CTNND2: variants seen among roughly 807,000 people sequenced by gnomAD.
CTNND2 encodes the protein catenin delta 2, also known as catenin delta-2.
In CTNND2, 22 loss-of-function variants were observed where a neutral mutation model predicts 144.4. The observed-to-expected ratio is 0.15, with a 90% CI of 0.11 to 0.22. The LOEUF (loss-of-function observed/expected upper bound fraction) is 0.22. CTNND2 is among the 10% of genes least tolerant of loss of function. CTNND2 has a pLI of 1.00. For synonymous variants in CTNND2, 751 were observed against 695.6 expected, an observed-to-expected ratio of 1.08 and a Z score of -1.25; for missense variants, 1,353 against 1,618.8, an observed-to-expected ratio of 0.84 and a Z score of 2.82.
chr5:11,403,362 T>A (rs1760795719), intron 5 of CTNND2, among the ~76,000 whole-genome samples: 2 of 152,206 alleles, frequency 1.3e-5, no homozygotes, highest in South Asian at 4.1e-4. Flanking sequence ...TTCATCCATG[T>A]CCCTGCAAAG....
intron 2 of CTNND2, among the ~76,000 whole-genome samples, chr5:11,705,384 A>G (rs550487319): frequency 3.3e-5 from 5 of 152,366 alleles, no homozygotes; most frequent in African/African-American, 7.2e-5. Flanking sequence ...CTAATGTAAT[A>G]TAAGTGGAAA....
intron 3 of CTNND2, among the ~76,000 whole-genome samples, chr5:11,518,640 C>A (rs1347090955): frequency 6.6e-6 from 1 of 152,014 alleles, no homozygotes; most frequent in Non-Finnish European, 1.5e-5. Flanking sequence ...TTAAAAAAAT[C>A]TTTTATATTT....
At chr5:11,607,667 C>A (rs1780117376) in intron 2 of CTNND2, among the ~76,000 whole-genome samples, 1 of 152,130 alleles carries the variant, frequency 6.6e-6, no homozygotes, top group South Asian at 2.1e-4. Flanking sequence ...AGTTATGAAT[C>A]CACTTCTGCA....
intron 2 of CTNND2, among the ~76,000 whole-genome samples, chr5:11,576,901 T>C (rs1216835499): frequency 2.0e-5 from 3 of 152,164 alleles, no homozygotes; most frequent in Non-Finnish European, 2.9e-5. Flanking sequence ...CCCAGTGAGT[T>C]ACCTAATTTG....
intron 3 of CTNND2, among the ~76,000 whole-genome samples, chr5:11,542,738 T>C (rs1334057877): frequency 6.6e-6 from 1 of 152,214 alleles, no homozygotes; most frequent in East Asian, 1.9e-4. Context: ...ATTTTTACCC[T>C]TGTCTGTCAA....
intron 2 of CTNND2, among the ~76,000 whole-genome samples, chr5:11,680,569 G>T (rs925629346): frequency 2.0e-5 from 3 of 152,120 alleles, no homozygotes; most frequent in Non-Finnish European, 4.4e-5. Context: ...GACCTAGAAA[G>T]GTTTTCAGCG....
In CTNND2 at chr5:11,775,390, G is replaced by A. The variant is rs557330948; in HGVS notation, c.38-43118C>T. Among the ~76,000 whole-genome samples the A allele has an allele frequency of 5.9e-5, 9 of 152,178 alleles. No homozygotes were observed. The South Asian group carries it at 6.2e-4, about 11-fold the overall frequency. On this transcript the variant is annotated intron_variant, in intron 1 of 21. Coordinates refer to ENST00000304623, the MANE Select transcript of CTNND2 (RefSeq NM_001332.4). ...TATCCATTTCCTCATCTGTAAAATC[G>A]AGATAACACTAAGGACACTCCTGAG...
intron 9 of CTNND2, among the ~76,000 whole-genome samples, chr5:11,247,420 G>A (rs1350496679): frequency 1.3e-5 from 2 of 152,320 alleles, no homozygotes; most frequent in East Asian, 1.9e-4. Context: ...GGCCCACTAC[G>A]CAGGTTAGTC....
At chr5:11,557,497 A>G (rs962984369) in intron 3 of CTNND2, among the ~76,000 whole-genome samples, 55 of 152,278 alleles carry the variant, frequency 3.6e-4, no homozygotes, top group African/African-American at 1.2e-3. Flanking sequence ...CTGCATTACT[A>G]GCCCACAAAG....
At chr5:11,815,555 G>GT (rs1353520687) in intron 1 of CTNND2, among the ~76,000 whole-genome samples, 2 of 151,942 alleles carry the variant, frequency 1.3e-5, no homozygotes, top group Non-Finnish European at 2.9e-5. Context: ...ATAATCCCAA[G>GT]GGGTTTTTTT....
intron 3 of CTNND2, among the ~76,000 whole-genome samples, chr5:11,507,134 G>A (rs1771130552): frequency 6.6e-6 from 1 of 152,190 alleles, no homozygotes; most frequent in Non-Finnish European, 1.5e-5. Context: ...CACAAGGATT[G>A]CCTGTAGAGT....
chr5:11,265,426 G>A (rs1198654751), intron 9 of CTNND2, among the ~76,000 whole-genome samples: 1 of 152,128 alleles, frequency 6.6e-6, no homozygotes, highest in Non-Finnish European at 1.5e-5. Context: ...TGAGGGTGAT[G>A]TCCCACAACA....
At chr5:11,662,253 G>GTATATATA (rs1450806707) in intron 2 of CTNND2, among the ~76,000 whole-genome samples, 84 of 135,680 alleles carry the variant, frequency 6.2e-4, no homozygotes, top group African/African-American at 2.4e-3. Flanking sequence ...ACATATATGT[G>GTATATATA]TGTATATATG....
At chr5:10,993,365 G>A (rs1561137978) in intron 18 of CTNND2, among the ~76,000 whole-genome samples, 1 of 152,092 alleles carries the variant, frequency 6.6e-6, no homozygotes, top group Non-Finnish European at 1.5e-5. Context: ...AATTTACAAA[G>A]CATAAAGAAG....
chr5:11,276,395 C>T (rs1746529896), intron 9 of CTNND2, among the ~76,000 whole-genome samples: 1 of 152,164 alleles, frequency 6.6e-6, no homozygotes, highest in Non-Finnish European at 1.5e-5. Context: ...TCTGAAAACC[C>T]AACTCTCCTG....
At chr5:10,991,856 T>A (rs2149499075) in intron 19 of CTNND2, among the ~76,000 whole-genome samples, 1 of 152,350 alleles carries the variant, frequency 6.6e-6, no homozygotes, top group South Asian at 2.1e-4. Flanking sequence ...GAAAGCACAT[T>A]TGGTCTCCTC....
chr5:11,626,767 C>A (rs1443049510), intron 2 of CTNND2, among the ~76,000 whole-genome samples: 1 of 152,162 alleles, frequency 6.6e-6, no homozygotes, highest in Non-Finnish European at 1.5e-5. Flanking sequence ...TTGCTCCATA[C>A]AAAGCATTAA....
chr5:11,010,737 A>G (rs1740986014), intron 18 of CTNND2, among the ~76,000 whole-genome samples: 1 of 152,268 alleles, frequency 6.6e-6, no homozygotes, highest in African/African-American at 2.4e-5. Flanking sequence ...AATGGCCGCA[A>G]GAGCCAATGA....
chr5:11,320,432 C>G (rs2150067489), intron 9 of CTNND2, among the ~76,000 whole-genome samples: 2 of 152,246 alleles, frequency 1.3e-5, no homozygotes, highest in Middle Eastern at 6.8e-3. Flanking sequence ...AATAGTACAG[C>G]ATACCAAACA....
Sources: allele counts gnomAD v4.1 joint callset (sites outside exome capture counted in the v4.1 genomes callset), GRCh38; gene constraint gnomAD v4.1.1; transcripts MANE v1.5; gene names NCBI Gene and HGNC (gene_info 2026-07-23, HGNC 2026-07-21).